Variants in RPS6KA2 observed in about 807,000 individuals in gnomAD.
RPS6KA2 encodes the protein ribosomal protein S6 kinase alpha-2.
In RPS6KA2, 42 loss-of-function variants were observed where a neutral mutation model predicts 91.8. The ratio of observed to expected loss-of-function variants is 0.46; its 90% CI spans 0.36 to 0.59. The LOEUF (loss-of-function observed/expected upper bound fraction) is 0.59, where lower values mean the gene tolerates loss of function less well. RPS6KA2 is among the 20% of genes least tolerant of loss of function. The pLI is 0.00. For synonymous variants in RPS6KA2, 414 were observed against 393.6 expected, an observed-to-expected ratio of 1.05 and a Z score of -0.61; for missense variants, 798 against 978.5, an observed-to-expected ratio of 0.82 and a Z score of 2.46.
chr6:166,598,539 T>C (rs748330869), intron 1 of RPS6KA2, among the ~76,000 whole-genome samples: 1 of 152,238 alleles, frequency 6.6e-6, no homozygotes, highest in Non-Finnish European at 1.5e-5. Flanking sequence ...TGGAATCAGA[T>C]GACCCTCTGA....
At chr6:166,491,013 G>GA (rs1366877513) in intron 8 of RPS6KA2, among the ~76,000 whole-genome samples, 1 of 152,212 alleles carries the variant, frequency 6.6e-6, no homozygotes, top group Non-Finnish European at 1.5e-5. Context: ...GTACGACAGA[G>GA]AAAAGAGGCA....
intron 2 of RPS6KA2, among the ~76,000 whole-genome samples, chr6:166,792,286 G>C (rs565443531): frequency 4.6e-5 from 7 of 151,976 alleles, no homozygotes; most frequent in African/African-American, 1.7e-4. Flanking sequence ...CACATACACC[G>C]ACCCAAGACT....
In RPS6KA2 at chr6:166,434,879, C is replaced by T. The variant is rs138539741; in HGVS notation, c.1333-2389G>A. Among the ~76,000 whole-genome samples the T allele has an allele frequency of 7.9e-5, 12 of 152,206 alleles. No individual in the cohort carries two copies. Among genetic ancestry groups the T allele is most frequent in the African/African-American group, 2.4e-4 (10 of 41,526 alleles). Reference sequence around the variant, plus strand: ...AAATGGAGAGAAGAATGCAGATAGACGCATCCATTTCCTTGTGGGTGCATA... The same window carrying T: ...AAATGGAGAGAAGAATGCAGATAGATGCATCCATTTCCTTGTGGGTGCATA... On this transcript the variant is annotated intron_variant, in intron 14 of 20. Transcript: ENST00000265678. This position sits in a 1 kb window ranked among gnomAD's most constrained non-coding sequence, Gnocchi z 4.4.
Position 166,626,825 on chromosome 6 carries a change from G to T in RPS6KA2, c.99+96C>A. 2.9e-6 allele frequency: 3 copies of T among 1,026,982 alleles called. No homozygotes were observed. The highest frequency in any genetic ancestry group is 3.8e-6 in the Non-Finnish European group (3 of 781,810). 63.6% of individuals were successfully genotyped at this position (1,026,982 alleles called of 1,614,324 possible). A position where few individuals can be genotyped will look rare whatever the true frequency, so the allele number is the denominator to read the frequency against. On this transcript the variant is annotated intron_variant, in intron 1 of 20. Transcript: ENST00000265678. The surrounding 1 kb of genome is among the most constrained non-coding windows in gnomAD (Gnocchi z 4.1). Reference sequence around the variant, plus strand: ...TTCCAGTAACTTGAACTCCCTGACGGGTCTCGGGGTCCACCCAGGGGTGGC... The same window carrying T: ...TTCCAGTAACTTGAACTCCCTGACGTGTCTCGGGGTCCACCCAGGGGTGGC...
At chr6:166,438,639 G>A (rs748576957) in intron 14 of RPS6KA2, among the ~76,000 whole-genome samples, 7 of 152,170 alleles carry the variant, frequency 4.6e-5, no homozygotes, top group African/African-American at 9.7e-5. Context: ...TCTCCTGCAC[G>A]AGCTTTCAGA....
chr6:166,803,065 A>G (rs913827063), intron 2 of RPS6KA2, among the ~76,000 whole-genome samples: 1 of 152,176 alleles, frequency 6.6e-6, no homozygotes, highest in African/African-American at 2.4e-5. Flanking sequence ...ATTTATTTTG[A>G]AGCAAGTTGG....
chr6:166,823,627 T>C (rs1779960625), intron 2 of RPS6KA2, among the ~76,000 whole-genome samples: 2 of 152,212 alleles, frequency 1.3e-5, no homozygotes, highest in Non-Finnish European at 2.9e-5. Context: ...GTGATATTTG[T>C]TGCACAGTGG....
At position 166,755,141 on chromosome 6, in the gene RPS6KA2, T is replaced by C. The variant is rs185554795; in HGVS notation, c.123+103059A>G. On this transcript the variant is annotated intron_variant, in intron 2 of 21. Transcript: ENST00000503859. ...ATTCCTCAGCCAAAGCCGTGAAGGG[T>C]GGCTTGGAGGTTTGCATCCACGCAT... Among the ~76,000 whole-genome samples the C allele has an allele frequency of 4.6e-4, 70 of 152,172 alleles. 1 individual carries two copies. Among genetic ancestry groups the C allele is most frequent in the Middle Eastern group, 3.4e-3 (1 of 294 alleles).
chr6:166,768,903 T>G (rs1238595438), intron 2 of RPS6KA2, among the ~76,000 whole-genome samples: 1 of 152,204 alleles, frequency 6.6e-6, no homozygotes, highest in Non-Finnish European at 1.5e-5. Context: ...ACAGAGACCC[T>G]GTGGCCACAT....
intron 1 of RPS6KA2, among the ~76,000 whole-genome samples, chr6:166,556,881 G>A (rs959930943): frequency 6.6e-6 from 1 of 152,186 alleles, no homozygotes; most frequent in Non-Finnish European, 1.5e-5. Context: ...ATCCCCTAAT[G>A]AACATTTTCT....
intron 2 of RPS6KA2, among the ~76,000 whole-genome samples, chr6:166,722,584 C>A (rs1464372023): frequency 6.6e-6 from 1 of 152,212 alleles, no homozygotes; most frequent in Non-Finnish European, 1.5e-5. Flanking sequence ...GTCCACCTGG[C>A]TTTGGGTCCG....
chr6:166,789,805 G>C (rs546652343), intron 2 of RPS6KA2, among the ~76,000 whole-genome samples: 2 of 152,338 alleles, frequency 1.3e-5, no homozygotes, highest in South Asian at 2.1e-4. Context: ...TGAGGGTCCT[G>C]TCTGTTAGAA....
At chr6:166,765,881 C>T (rs950881467) in intron 2 of RPS6KA2, among the ~76,000 whole-genome samples, 7 of 152,232 alleles carry the variant, frequency 4.6e-5, no homozygotes, top group Non-Finnish European at 8.8e-5. Flanking sequence ...ACCAGCTTTT[C>T]TGAACAGGGG....
At chr6:166,713,722 A>C (rs1411491226) in intron 2 of RPS6KA2, among the ~76,000 whole-genome samples, 1 of 152,204 alleles carries the variant, frequency 6.6e-6, no homozygotes, top group African/African-American at 2.4e-5. Flanking sequence ...GCAAGTAAAA[A>C]ACACAAAACT....
chr6:166,436,849 C>T (rs986855641), intron 14 of RPS6KA2, among the ~76,000 whole-genome samples: 22 of 152,112 alleles, frequency 1.4e-4, no homozygotes, highest in South Asian at 1.2e-3. Flanking sequence ...GGAGTCGTGG[C>T]GGGAATAGGT....
intron 2 of RPS6KA2, among the ~76,000 whole-genome samples, chr6:166,727,249 T>C (rs878938570): frequency 6.6e-6 from 1 of 151,854 alleles, no homozygotes; most frequent in Admixed American, 6.6e-5. Context: ...GTGAAAGAAT[T>C]GAAAGTAATG....
chr6:166,658,203 G>A (rs770886025), intron 2 of RPS6KA2, among the ~76,000 whole-genome samples: 1 of 152,146 alleles, frequency 6.6e-6, no homozygotes, highest in Non-Finnish European at 1.5e-5. Flanking sequence ...ACTCCTGGGC[G>A]TGATTTGTGT....
intron 1 of RPS6KA2, among the ~76,000 whole-genome samples, chr6:166,578,375 C>T (rs892217687): frequency 1.3e-5 from 2 of 152,146 alleles, no homozygotes; most frequent in Admixed American, 1.3e-4. Context: ...GTTAAGAGGC[C>T]TCAATGCTGG....
chr6:166,796,383 G>A (rs1029657735), intron 2 of RPS6KA2, among the ~76,000 whole-genome samples: 1 of 152,182 alleles, frequency 6.6e-6, no homozygotes, highest in Non-Finnish European at 1.5e-5. Context: ...GAGGTCAAGA[G>A]ATAGAGACCA....
Sources: allele counts gnomAD v4.1 joint callset (sites outside exome capture counted in the v4.1 genomes callset), GRCh38; gene constraint gnomAD v4.1.1; non-coding constraint Gnocchi (gnomAD v3.1); transcripts MANE v1.5; gene names NCBI Gene and HGNC (gene_info 2026-07-23, HGNC 2026-07-21).